HGH1: variants seen among roughly 807,000 people sequenced by gnomAD.
HGH1 encodes HGH1 cochaperone, also known as co-chaperone protein HGH1 homolog.
Under a neutral mutation model 31.7 loss-of-function variants are expected in HGH1, and 31 were observed. That is an observed-to-expected ratio of 0.98 (90% confidence interval 0.73 to 1.32). HGH1 has a LOEUF of 1.32. HGH1 is among the 40% of genes most tolerant of loss of function. HGH1 has a pLI of 0.00. For synonymous variants in HGH1, 284 were observed against 293.6 expected, an observed-to-expected ratio of 0.97 and a Z score of 0.34; for missense variants, 618 against 594.4, an observed-to-expected ratio of 1.04 and a Z score of -0.41.
Position 144,139,413 on chromosome 8 carries a change from G to C in HGH1, c.1034G>C (p.Arg345Pro). 1 of 1,611,858 alleles carries C rather than the reference G, an allele frequency of 6.2e-7. No individual in the cohort carries two copies. ...GTGCTTATTGGGGACGAGCCTGAAC[G>C]TGGCATGGAAAACCTGCTGGAGGTG... Reference protein sequence around the residue: ...IQVLIGDEPERGMENLLEVQV... With the variant: ...IQVLIGDEPEPGMENLLEVQV... Residue 345 changes from arginine (R) to proline (P), a missense_variant, in exon 6 of 6, where the codon CGT (arginine) becomes CCT (proline). Coordinates refer to ENST00000347708, the MANE Select transcript of HGH1 (RefSeq NM_016458.4).
At position 144,138,067 on chromosome 8, in the gene HGH1, G is replaced by A; in HGVS notation, c.232G>A (p.Ala78Thr). 2 of 1,312,250 alleles carry A rather than the reference G, an allele frequency of 1.5e-6. No homozygotes were observed. Among genetic ancestry groups the A allele is most frequent in the African/African-American group, 1.6e-5 (1 of 63,940 alleles). 81.3% of individuals were successfully genotyped at this position (1,312,250 alleles called of 1,614,324 possible). ...LMELAPASAP[A>T]RDAARALVNL... ...GGAGCTGGCGCCGGCCTCTGCCCCG[G>A]CCCGGGACGCCGCCCGCGCGCTCGT... The change falls in exon 1 of 6, where the codon GCC (alanine) becomes ACC (threonine). Residue 78 changes from alanine (A) to threonine (T), a missense_variant. Physicochemically the swap from Ala to Thr is moderately conservative, Grantham distance 58. Transcript: ENST00000347708.
Position 144,139,736 on chromosome 8 carries a change from GCT to G in HGH1, c.*185_*186del. The G allele has an allele frequency of 1.2e-6, 1 of 846,552 alleles. No individual in the cohort carries two copies. Among genetic ancestry groups the G allele is most frequent in the Non-Finnish European group, 1.8e-6 (1 of 559,178 alleles). 52.4% of individuals were successfully genotyped at this position (846,552 alleles called of 1,614,324 possible). A position where few individuals can be genotyped will look rare whatever the true frequency, so the allele number is the denominator to read the frequency against. The stretch of plus-strand genomic sequence containing the variant: ...GCACTTTCCAGCCCTGTGCAGTGTT[GCT>G]ACCAGCAAGAATGAAGGTTGTGCAG... On this transcript the variant is annotated 3_prime_UTR_variant, in exon 6 of 6. Transcript: ENST00000347708.
In HGH1 at chr8:144,138,503, AC is replaced by A. The variant is rs1254565977; in HGVS notation, c.594-3del. ...GGACGGCCCTAAGTGACACCTCCCA[AC>A]AGGTGCGTGGTCCAGCGGCTGCTGC... On this transcript the variant is annotated splice_region_variant and splice_polypyrimidine_tract_variant and intron_variant, in intron 1 of 5. Transcript: ENST00000347708. The A allele has an allele frequency of 6.2e-7, 1 of 1,608,872 alleles. No homozygotes were observed. The highest frequency in any genetic ancestry group is 1.3e-5 in the African/African-American group (1 of 74,846).
chr8:144,138,142 C>T lies in HGH1; in HGVS notation c.307C>T (p.Pro103Ser). ...GLHETLLAAD[P>S]GLPARLMGRA... ...GCACGAGACATTGCTGGCGGCCGAC[C>T]CCGGGCTGCCAGCGCGCCTGATGGG... The change falls in exon 1 of 6, where the codon CCC becomes TCC. Residue 103 changes from proline to serine, a missense_variant. Pro to Ser is a moderately conservative substitution (Grantham distance 74). Coordinates refer to ENST00000347708, the MANE Select transcript of HGH1 (RefSeq NM_016458.4). 1 of 1,306,700 alleles carries T rather than the reference C, an allele frequency of 7.7e-7. No homozygotes were observed. The highest frequency in any genetic ancestry group is 2.0e-5 in the South Asian group (1 of 49,834). 80.9% of individuals were successfully genotyped at this position (1,306,700 alleles called of 1,614,324 possible).
Position 144,138,416 on chromosome 8 carries a change from T to C in HGH1, c.581T>C (p.Leu194Pro). Residue 194 changes from leucine (L) to proline (P), a missense_variant, in exon 1 of 6, where the codon CTG (leucine) becomes CCG (proline). Transcript: ENST00000347708. ...SQRPAARAFLLDPDRCVVQRL... is the reference protein window; with the variant it reads ...SQRPAARAFLPDPDRCVVQRL... ...CGCCCTGCGGCGCGGGCCTTCCTAC[T>C]GGACCCCGACAGGTGAAGCCCAGGG... 3.4e-5 allele frequency: 54 copies of C among 1,588,630 alleles called. No homozygotes were observed. Among genetic ancestry groups the C allele is most frequent in the Non-Finnish European group, 4.3e-5 (51 of 1,175,988 alleles).
chr8:144,138,004 C>G lies in HGH1; in HGVS notation c.169C>G (p.Leu57Val). The G allele has an allele frequency of 7.6e-7, 1 of 1,316,872 alleles. No homozygotes were observed. The highest frequency in any genetic ancestry group is 3.4e-5 in the Admixed American group (1 of 29,206). 81.6% of individuals were successfully genotyped at this position (1,316,872 alleles called of 1,614,324 possible). Residue 57 changes from leucine to valine, a missense_variant, in exon 1 of 6, where the codon CTG becomes GTG. Physicochemically the swap from Leu to Val is conservative, Grantham distance 32. Transcript: ENST00000347708. ...GACTGGCTGCGGACCCGGCCGCGCG[C>G]TGTTGGCGGGGCAGGCGGCGCTGCT... ...ALTGCGPGRA[L>V]LAGQAALLQA...
At position 144,138,755 on chromosome 8, in the gene HGH1, C is replaced by G; in HGVS notation, c.735C>G (p.Leu245=). 1 of 1,613,960 alleles carries G rather than the reference C, an allele frequency of 6.2e-7. No individual in the cohort carries two copies. Among genetic ancestry groups the G allele is most frequent in the African/African-American group, 1.3e-5 (1 of 75,046 alleles). Residue 245 remains leucine (L), a synonymous_variant, in exon 3 of 6, where the codon CTC becomes CTG. Transcript: ENST00000347708. ...EWLLGPEVDI[L]PFLLLPLAGP... ...TGCTTGGACCTGAGGTGGACATTCT[C>G]CCCTTTTTGCTCCTGCCCTTGGCTG... is the stretch of plus-strand genomic sequence containing the variant.
Position 144,138,079 on chromosome 8 carries a change from G to A in HGH1, c.244G>A (p.Ala82Thr). The A allele has an allele frequency of 7.6e-7, 1 of 1,318,722 alleles. No homozygotes were observed. Among genetic ancestry groups the A allele is most frequent in the Non-Finnish European group, 9.7e-7 (1 of 1,028,704 alleles). 81.7% of individuals were successfully genotyped at this position (1,318,722 alleles called of 1,614,324 possible). The stretch of plus-strand genomic sequence containing the variant: ...GGCCTCTGCCCCGGCCCGGGACGCC[G>A]CCCGCGCGCTCGTGAACTTGGCCGC... ...APASAPARDA[A>T]RALVNLAADP... The change falls in exon 1 of 6, where the codon GCC becomes ACC. Residue 82 changes from alanine to threonine, a missense_variant. Transcript: ENST00000347708.
At chr8:144,138,894 G>C in intron 3 of HGH1, 81 bp downstream of exon 3, 1 of 1,602,340 alleles carries the variant, frequency 6.2e-7, no homozygotes, top group Non-Finnish European at 8.5e-7. Context: ...CCAGGCCACA[G>C]GCTCCTGAAA....
In HGH1 at chr8:144,137,873, G is replaced by C. The variant is rs933296579; in HGVS notation, c.38G>C (p.Gly13Ala). 43 of 1,299,564 alleles carry C rather than the reference G, an allele frequency of 3.3e-5. No homozygotes were observed. The highest frequency in any genetic ancestry group is 4.2e-5 in the Non-Finnish European group (43 of 1,027,202). The allele number at this position is 1,299,564 out of a possible 1,614,324, so 80.5% of individuals were successfully genotyped here. Residue 13 changes from glycine (G) to alanine (A), a missense_variant, in exon 1 of 6, where the codon GGG becomes GCG. Gly to Ala is a moderately conservative substitution (Grantham distance 60). Transcript: ENST00000347708. Reference protein sequence around the residue: ...EAGAGAGASGGPEASPEAEVV... With the variant: ...EAGAGAGASGAPEASPEAEVV... ...GGGGCTGGCGCTGGCGCCTCGGGAG[G>C]GCCGGAGGCAAGCCCGGAGGCAGAG...
chr8:144,138,082 CG>C lies in HGH1; in HGVS notation c.248del (p.Arg83ProfsTer4). On this transcript the variant is annotated frameshift_variant, in exon 1 of 6. Coordinates refer to ENST00000347708, the MANE Select transcript of HGH1 (RefSeq NM_016458.4). LOFTEE classifies it high-confidence loss of function. ...CTCTGCCCCGGCCCGGGACGCCGCCCGCGCGCTCGTGAACTTGGCCGCCGAC... is the reference window on the plus strand; with the variant it reads ...CTCTGCCCCGGCCCGGGACGCCGCCCCGCGCTCGTGAACTTGGCCGCCGAC... The part of the protein sequence containing the change: ...PASAPARDAA[R>X]ALVNLAADPG... 7.6e-7 allele frequency: 1 copy of C among 1,322,302 alleles called. No homozygotes were observed. Among genetic ancestry groups the C allele is most frequent in the Non-Finnish European group, 9.7e-7 (1 of 1,030,512 alleles). 81.9% of individuals were successfully genotyped at this position (1,322,302 alleles called of 1,614,324 possible).
In HGH1 at chr8:144,138,066, G is replaced by T. The variant is rs1447084718; in HGVS notation, c.231G>T (p.Pro77=). 1 of 1,311,842 alleles carries T rather than the reference G, an allele frequency of 7.6e-7. No homozygotes were observed. Among genetic ancestry groups the T allele is most frequent in the Non-Finnish European group, 9.8e-7 (1 of 1,025,490 alleles). The allele number at this position is 1,311,842 out of a possible 1,614,324, so 81.3% of individuals were successfully genotyped here. ...TGGAGCTGGCGCCGGCCTCTGCCCC[G>T]GCCCGGGACGCCGCCCGCGCGCTCG... ...ALMELAPASA[P]ARDAARALVN... The change falls in exon 1 of 6, where the codon CCG becomes CCT. Residue 77 remains proline, a synonymous_variant. Transcript: ENST00000347708.
chr8:144,137,948 A>G lies in HGH1; in HGVS notation c.113A>G (p.Gln38Arg), dbSNP rs1815116984. The change falls in exon 1 of 6, where the codon CAG (glutamine) becomes CGG (arginine). Residue 38 changes from glutamine (Q) to arginine (R), a missense_variant. Transcript: ENST00000347708. Reference protein sequence around the residue: ...FLAPGARADLQAAAVRHVLAL... With the variant: ...FLAPGARADLRAAAVRHVLAL... ...GCGCCGGGCGCGCGGGCGGACCTGC[A>G]GGCGGCGGCGGTGCGGCACGTGCTG... The G allele has an allele frequency of 7.5e-7, 1 of 1,331,286 alleles. No homozygotes were observed. The highest frequency in any genetic ancestry group is 9.6e-7 in the Non-Finnish European group (1 of 1,043,590). The allele number at this position is 1,331,286 out of a possible 1,614,324, so 82.5% of individuals were successfully genotyped here.
In HGH1 at chr8:144,138,403, C is replaced by A; in HGVS notation, c.568C>A (p.Arg190=). The A allele has an allele frequency of 6.3e-7, 1 of 1,587,870 alleles. No homozygotes were observed. Among genetic ancestry groups the A allele is most frequent in the Non-Finnish European group, 8.5e-7 (1 of 1,175,900 alleles). The change falls in exon 1 of 6, where the codon CGG becomes AGG. Residue 190 remains arginine (R), a synonymous_variant. Coordinates refer to ENST00000347708, the MANE Select transcript of HGH1 (RefSeq NM_016458.4). ...CAACCTCAGCCAACGCCCTGCGGCG[C>A]GGGCCTTCCTACTGGACCCCGACAG... is the stretch of plus-strand genomic sequence containing the variant. ...LSNLSQRPAA[R]AFLLDPDRCV...
At position 144,139,662 on chromosome 8, in the gene HGH1, T is replaced by C; in HGVS notation, c.*110T>C. Reference sequence around the variant, plus strand: ...CCTGGGTCCCCTTGTTCAGAGACTGTGCTCTTCTGAGAAGCAGAGCTACGC... The same window carrying C: ...CCTGGGTCCCCTTGTTCAGAGACTGCGCTCTTCTGAGAAGCAGAGCTACGC... On this transcript the variant is annotated 3_prime_UTR_variant, in exon 6 of 6. Transcript: ENST00000347708. 1 of 1,457,610 alleles carries C rather than the reference T, an allele frequency of 6.9e-7. No homozygotes were observed. The highest frequency in any genetic ancestry group is 9.3e-7 in the Non-Finnish European group (1 of 1,080,134). The allele number at this position is 1,457,610 out of a possible 1,614,324, so 90.3% of individuals were successfully genotyped here.
chr8:144,139,285 C>T lies in HGH1; in HGVS notation c.982C>T (p.Arg328Trp), dbSNP rs1427922748. 7 of 1,613,944 alleles carry T rather than the reference C, an allele frequency of 4.3e-6. No individual in the cohort carries two copies. The highest frequency in any genetic ancestry group is 2.2e-5 in the East Asian group (1 of 44,888). The change falls in exon 5 of 6, where the codon CGG becomes TGG. Residue 328 changes from arginine (R) to tryptophan (W), a missense_variant. Coordinates refer to ENST00000347708, the MANE Select transcript of HGH1 (RefSeq NM_016458.4). Reference protein sequence around the residue: ...LHSWEPEPDVRTACEKLIQVL... With the variant: ...LHSWEPEPDVWTACEKLIQVL... ...CAGCTGGGAGCCGGAGCCCGACGTG[C>T]GGACGGCTTGTGAGAAGCTCATCCA...
chr8:144,137,985 C>G lies in HGH1; in HGVS notation c.150C>G (p.Gly50=). Residue 50 remains glycine (G), a synonymous_variant, in exon 1 of 6, where the codon GGC becomes GGG. Coordinates refer to ENST00000347708, the MANE Select transcript of HGH1 (RefSeq NM_016458.4). The stretch of plus-strand genomic sequence containing the variant: ...TGCGGCACGTGCTGGCGCTGACTGG[C>G]TGCGGACCCGGCCGCGCGCTGTTGG... The part of the protein sequence containing the change: ...AAVRHVLALT[G]CGPGRALLAG... The G allele has an allele frequency of 7.5e-7, 1 of 1,330,586 alleles. No individual in the cohort carries two copies. Among genetic ancestry groups the G allele is most frequent in the Non-Finnish European group, 9.6e-7 (1 of 1,042,482 alleles). The allele number at this position is 1,330,586 out of a possible 1,614,324, so 82.4% of individuals were successfully genotyped here.
At chr8:144,138,855 G>A in intron 3 of HGH1, 42 bp downstream of exon 3, 1 of 1,611,888 alleles carries the variant, frequency 6.2e-7, no homozygotes, top group Non-Finnish European at 8.5e-7. Flanking sequence ...CCGGAGAGGA[G>A]GGAGGCCAGT....
At position 144,138,525 on chromosome 8, in the gene HGH1, G is replaced by A; in HGVS notation, c.612G>A (p.Leu204=). The A allele has an allele frequency of 6.2e-7, 1 of 1,611,134 alleles. No homozygotes were observed. The highest frequency in any genetic ancestry group is 1.7e-5 in the Admixed American group (1 of 59,850). The change falls in exon 2 of 6, where the codon CTG becomes CTA. Residue 204 remains leucine (L), a synonymous_variant. Transcript: ENST00000347708. The part of the protein sequence containing the change: ...LDPDRCVVQR[L]LPLTQYPDSS... ...CCAACAGGTGCGTGGTCCAGCGGCT[G>A]CTGCCCCTTACCCAGTACCCCGACT...
Sources: allele counts gnomAD v4.1 joint callset, GRCh38; gene constraint gnomAD v4.1.1; transcripts MANE v1.5; gene names NCBI Gene and HGNC (gene_info 2026-07-23, HGNC 2026-07-21).